Variants in COL18A1 observed in about 807,000 individuals in gnomAD.
COL18A1 encodes the protein collagen type XVIII alpha 1 chain.
In COL18A1, 133 loss-of-function variants were observed where a neutral mutation model predicts 168.0. That is an observed-to-expected ratio of 0.79 (90% confidence interval 0.69 to 0.91). The LOEUF (loss-of-function observed/expected upper bound fraction) is 0.91. Among genes scored for constraint, COL18A1 ranks in the 40% least tolerant of loss-of-function variants. The probability of loss-of-function intolerance (pLI) is 0.00; values close to 1 mark genes in which losing one functional copy is unlikely to be tolerated. For missense variants in COL18A1, 2,126 were observed against 1,925.4 expected (o/e 1.10, Z -1.95); for synonymous variants, 949 against 809.0 (o/e 1.17, Z -2.94).
intron 2 of COL18A1, among the ~76,000 whole-genome samples, chr21:45,460,564 A>G (rs887348374): frequency 1.3e-5 from 2 of 152,146 alleles, no homozygotes; most frequent in African/African-American, 4.8e-5. Flanking sequence ...TCCCTACCCC[A>G]TGGGCCAGCC....
chr21:45,484,329 A>G (rs1281781350), intron 15 of COL18A1, among the ~76,000 whole-genome samples: 1 of 139,122 alleles, frequency 7.2e-6, no homozygotes, highest in African/African-American at 2.9e-5. Context: ...ATGCACACAC[A>G]TGCACACACA....
At chr21:45,432,778 G>T (rs1260532547) in intron 2 of COL18A1, among the ~76,000 whole-genome samples, 1 of 152,220 alleles carries the variant, frequency 6.6e-6, no homozygotes, top group Non-Finnish European at 1.5e-5. Flanking sequence ...GGTGGGACAT[G>T]GCCCCGTAGC....
intron 2 of COL18A1, among the ~76,000 whole-genome samples, chr21:45,446,148 A>G (rs1400011483): frequency 6.6e-6 from 1 of 152,214 alleles, no homozygotes; most frequent in Non-Finnish European, 1.5e-5. Context: ...TTTTGCGTGT[A>G]TCTGTTCGTT....
intron 2 of COL18A1, among the ~76,000 whole-genome samples, chr21:45,465,358 C>CGTTTCTTAG: frequency 6.6e-6 from 1 of 152,264 alleles, no homozygotes; most frequent in South Asian, 2.1e-4. Context: ...GACAGGGGCC[C>CGTTTCTTAG]GTTTCTTAGG....
At chr21:45,414,787 A>G (rs1363038062) in intron 2 of COL18A1, among the ~76,000 whole-genome samples, 1 of 152,200 alleles carries the variant, frequency 6.6e-6, no homozygotes, top group African/African-American at 2.4e-5. Flanking sequence ...TAGAAGGCCG[A>G]ATACTGACCC....
chr21:45,434,657 T>C (rs114255716), intron 2 of COL18A1, among the ~76,000 whole-genome samples: 6,458 of 152,284 alleles, frequency 0.042, 176 homozygotes, highest in African/African-American at 0.073. Context: ...TGAATTTGCA[T>C]CTGGACGTTC....
chr21:45,405,548 G>C (rs1391898672), intron 2 of COL18A1, 75 bp downstream of exon 2: 2 of 954,746 alleles, frequency 2.1e-6, no homozygotes, highest in Non-Finnish European at 1.4e-6. Context: ...GTCCCCGCCC[G>C]GCTCCCTCAC....
intron 2 of COL18A1, among the ~76,000 whole-genome samples, chr21:45,418,373 G>T: frequency 1.3e-5 from 2 of 152,158 alleles, no homozygotes; most frequent in Non-Finnish European, 2.9e-5. Flanking sequence ...GGGCAGCTCA[G>T]TGCTGGGCTC....
chr21:45,510,475 C>G (rs1351758938), intron 40 of COL18A1, among the ~76,000 whole-genome samples: 1 of 152,174 alleles, frequency 6.6e-6, no homozygotes, highest in African/African-American at 2.4e-5. Context: ...GCCACGTCCC[C>G]CAGGGCATCC....
rs2037135026 is a variant in COL18A1, at chr21:45,505,382, G to A, written c.3038G>A (p.Gly1013Asp). Residue 1013 changes from glycine (G) to aspartate (D), a missense_variant, in exon 36 of 42, where the codon GGC (glycine) becomes GAC (aspartate). Physicochemically the swap from Gly to Asp is moderately conservative, Grantham distance 94. Coordinates refer to ENST00000651438, the MANE Select transcript of COL18A1 (RefSeq NM_001379500.1). ...RQTISVPGPP[G>D]PPGPPGPPGT... Reference sequence around the variant, plus strand: ...GCTATCAGCGTTCCCGGCCCTCCGGGCCCCCCTGGGCCCCCTGGGCCCCCT... The same window carrying A: ...GCTATCAGCGTTCCCGGCCCTCCGGACCCCCCTGGGCCCCCTGGGCCCCCT... 2 of 1,591,556 alleles carry A rather than the reference G, an allele frequency of 1.3e-6. No homozygotes were observed. Among genetic ancestry groups the A allele is most frequent in the Non-Finnish European group, 1.7e-6 (2 of 1,163,642 alleles).
chr21:45,510,916 G>T (rs2037538738), intron 40 of COL18A1, among the ~76,000 whole-genome samples, 195 bp from the exon 41 acceptor site: 1 of 149,334 alleles, frequency 6.7e-6, no homozygotes, highest in Non-Finnish European at 1.5e-5. Flanking sequence ...CCCAGGGGCT[G>T]CAGAACCCCA....
chr21:45,474,566 CTGTG>C (rs762088401), intron 4 of COL18A1, among the ~76,000 whole-genome samples: 1 of 151,638 alleles, frequency 6.6e-6, no homozygotes, highest in East Asian at 1.9e-4. Flanking sequence ...GTGTCTGTGT[CTGTG>C]TGTTGTGTGG....
intron 4 of COL18A1, 73 bp downstream of exon 4, chr21:45,474,054 T>C: frequency 7.9e-7 from 1 of 1,269,714 alleles, no homozygotes; most frequent in South Asian, 1.3e-5. Context: ...CCAAGGTCTA[T>C]GACAGGAAAA....
intron 15 of COL18A1, among the ~76,000 whole-genome samples, chr21:45,483,472 A>G (rs2035969658): frequency 6.6e-6 from 1 of 151,798 alleles, no homozygotes; most frequent in Non-Finnish European, 1.5e-5. Flanking sequence ...CACCCCCCCA[A>G]CGACCCACTT....
At chr21:45,492,086 AG>A (rs2036372426) in intron 22 of COL18A1, among the ~76,000 whole-genome samples, 1 of 152,060 alleles carries the variant, frequency 6.6e-6, no homozygotes, top group Non-Finnish European at 1.5e-5. Flanking sequence ...TCTTGAGAGG[AG>A]GGGTGGAGTT....
intron 2 of COL18A1, among the ~76,000 whole-genome samples, chr21:45,440,800 G>A (rs372519200): frequency 6.6e-6 from 1 of 152,324 alleles, no homozygotes; most frequent in African/African-American, 2.4e-5. Flanking sequence ...TGTCGATGCC[G>A]GACTCCGCCC....
In COL18A1 at chr21:45,405,374, C is replaced by A; in HGVS notation, c.12-5C>A. On this transcript the variant is annotated splice_polypyrimidine_tract_variant and splice_region_variant and intron_variant, in intron 1 of 41. Transcript: ENST00000651438. The stretch of plus-strand genomic sequence containing the variant: ...CGGGGTCTGACCCGTGCCTGTCCCG[C>A]GCAGGTGCCCCTGGCCATGGCCGCG... 8.6e-7 allele frequency: 1 copy of A among 1,166,502 alleles called. No homozygotes were observed. Among genetic ancestry groups the A allele is most frequent in the Admixed American group, 4.9e-5 (1 of 20,570 alleles). The allele number at this position is 1,166,502 out of a possible 1,614,324, so 72.3% of individuals were successfully genotyped here.
rs1225278043 is a variant in COL18A1, at chr21:45,455,507, C to G, written c.107-12735C>G. The G allele has an allele frequency of 4.3e-6, 7 of 1,610,850 alleles. No homozygotes were observed. In the Admixed American group the frequency reaches 6.7e-5, roughly 15 times the overall value. The stretch of plus-strand genomic sequence containing the variant: ...CAGGCACAGAGGCCCTCCCGCCGCC[C>G]GCAGCTCCAGCCGCACTGCCCCGAT... On this transcript the variant is annotated intron_variant, in intron 2 of 41. Transcript: ENST00000651438.
At chr21:45,422,387 C>G in intron 2 of COL18A1, 1 of 490,826 alleles carries the variant, frequency 2.0e-6, no homozygotes. Flanking sequence ...GGCGGGGCCT[C>G]GCCTGTGGGC....
Sources: allele counts gnomAD v4.1 joint callset (sites outside exome capture counted in the v4.1 genomes callset), GRCh38; gene constraint gnomAD v4.1.1; transcripts MANE v1.5; gene names NCBI Gene and HGNC (gene_info 2026-07-23, HGNC 2026-07-21).